The following MMP12 variants were observed in gnomAD, a reference collection of about 807,000 sequenced individuals.
MMP12 encodes matrix metallopeptidase 12.
A neutral mutation model predicts 45.2 loss-of-function variants in MMP12; 51 were observed. The ratio of observed to expected loss-of-function variants is 1.13; its 90% confidence interval spans 0.90 to 1.42. The LOEUF (loss-of-function observed/expected upper bound fraction) is 1.42. Among genes scored for constraint, MMP12 ranks in the 40% most tolerant of loss-of-function variants. The probability of loss-of-function intolerance (pLI) is 0.00; values close to 1 mark genes in which losing one functional copy is unlikely to be tolerated. For missense variants in MMP12, 530 were observed against 570.8 expected (o/e 0.93, Z 0.73); for synonymous variants, 210 against 193.3 (o/e 1.09, Z -0.72).
chr11:102,874,958 A>C lies in MMP12; in HGVS notation c.-21T>G, dbSNP rs1565235874. The C allele has an allele frequency of 6.8e-7, 1 of 1,469,836 alleles. No individual in the cohort carries two copies. The highest frequency in any genetic ancestry group is 2.4e-5 in the East Asian group (1 of 41,860). 91.0% of individuals were successfully genotyped at this position (1,469,836 alleles called of 1,614,324 possible). ...TTCATTGTAAACTTCTAAACGGATC[A>C]ATTCAGTTTACTGTGTTCCTTTCTA... On this transcript the variant is annotated 5_prime_UTR_variant, in exon 1 of 10. In the 5' UTR this introduces an upstream ATG that the reference lacks. Transcript: ENST00000571244.
Position 102,865,703 on chromosome 11 carries a change from T to A in MMP12, c.1205+73A>T. 1 of 1,281,352 alleles carries A rather than the reference T, an allele frequency of 7.8e-7. No individual in the cohort carries two copies. Among genetic ancestry groups the A allele is most frequent in the Admixed American group, 2.6e-5 (1 of 38,826 alleles). The allele number at this position is 1,281,352 out of a possible 1,614,324, so 79.4% of individuals were successfully genotyped here. A position where few individuals can be genotyped will look rare whatever the true frequency, so the allele number is the denominator to read the frequency against. The stretch of plus-strand genomic sequence containing the variant: ...GCTTTGGGAATTTGCGCAGAAAATG[T>A]GCCTTCTAGAAAGCCTCATTCCATA... On this transcript the variant is annotated intron_variant, in intron 8 of 9. Transcript: ENST00000571244. The surrounding 1 kb of genome is among the most constrained non-coding windows in gnomAD (Gnocchi z 4.1).
rs1859503274 is a variant in MMP12, at chr11:102,871,854, C to T, written c.449G>A (p.Ser150Asn). The change falls in exon 3 of 10, where the codon AGC becomes AAC. Residue 150 changes from serine (S) to asparagine (N), a missense_variant. Ser to Asn is a conservative substitution (Grantham distance 46). Transcript: ENST00000571244. Reference protein sequence around the residue: ...VWSNVTPLKFSKINTGMADIL... With the variant: ...VWSNVTPLKFNKINTGMADIL... ...GTCAGCCATGCCTGTGTTAATCTTG[C>T]TGAATTTCAAGGGGGTAACATTACT... 15 of 1,613,616 alleles carry T rather than the reference C, an allele frequency of 9.3e-6. No individual in the cohort carries two copies. The highest frequency in any genetic ancestry group is 1.3e-5 in the Non-Finnish European group (15 of 1,179,774).
chr11:102,874,739 G>GCAAA lies in MMP12; in HGVS notation c.102+93_102+96dup, dbSNP rs28360358. 1.6e-3 allele frequency: 1,279 copies of GCAAA among 795,944 alleles called. 6 individuals carry two copies. Among genetic ancestry groups the GCAAA allele is most frequent in the East Asian group, 0.015 (533 of 35,968 alleles). 49.3% of individuals were successfully genotyped at this position (795,944 alleles called of 1,614,324 possible). On this transcript the variant is annotated intron_variant, in intron 1 of 9. Coordinates refer to ENST00000571244, the MANE Select transcript of MMP12 (RefSeq NM_002426.6). ...ACCAATTTTCAGCTGATACGTAAAAGCAAACAAACAAACAAACAAACAAAC... is the reference window on the plus strand; with the variant it reads ...ACCAATTTTCAGCTGATACGTAAAAGCAAACAAACAAACAAACAAACAAACAAAC...
intron 1 of MMP12, among the ~76,000 whole-genome samples, chr11:102,873,543 T>C (rs1300237697): frequency 2.0e-5 from 3 of 151,968 alleles, no homozygotes; most frequent in Non-Finnish European, 4.4e-5. Context: ...GAAGCTGCAG[T>C]GAGCCGTGAT....
In MMP12 at chr11:102,865,619, T is replaced by G. The variant is rs1337926455; in HGVS notation, c.1205+157A>C. Among the ~76,000 whole-genome samples, 2 of 152,180 alleles carry G rather than the reference T, an allele frequency of 1.3e-5. No homozygotes were observed. The highest frequency in any genetic ancestry group is 1.3e-4 in the Admixed American group (2 of 15,248). ...GAAACCAAAAACACAAAGAACTAAG[T>G]TGACAATAACTATTTCAGTCCTATA... On this transcript the variant is annotated intron_variant, in intron 8 of 9. Transcript: ENST00000571244. The surrounding 1 kb of genome is among the most constrained non-coding windows in gnomAD (Gnocchi z 4.1).
intron 4 of MMP12, among the ~76,000 whole-genome samples, chr11:102,868,342 A>ACATT (rs1330657767): frequency 2.6e-5 from 4 of 152,172 alleles, no homozygotes; most frequent in Non-Finnish European, 4.4e-5. Context: ...ATGTCTCCAG[A>ACATT]CATTGTCAGA....
intron 4 of MMP12, among the ~76,000 whole-genome samples, chr11:102,870,635 A>G (rs576114682): frequency 6.6e-6 from 1 of 152,166 alleles, no homozygotes; most frequent in Non-Finnish European, 1.5e-5. Context: ...CATGCTAGTG[A>G]TTCCTCTAAA....
In MMP12 at chr11:102,865,685, G is replaced by A; in HGVS notation, c.1205+91C>T. On this transcript the variant is annotated intron_variant, in intron 8 of 9. Transcript: ENST00000571244. This position sits in a 1 kb window ranked among gnomAD's most constrained non-coding sequence, Gnocchi z 4.1. Reference sequence around the variant, plus strand: ...TCCCTGGAAGGTCAAGGAGCTTTGGGAATTTGCGCAGAAAATGTGCCTTCT... The same window carrying A: ...TCCCTGGAAGGTCAAGGAGCTTTGGAAATTTGCGCAGAAAATGTGCCTTCT... 1.9e-6 allele frequency: 2 copies of A among 1,063,098 alleles called. No individual in the cohort carries two copies. Among genetic ancestry groups the A allele is most frequent in the Non-Finnish European group, 2.6e-6 (2 of 760,452 alleles). The allele number at this position is 1,063,098 out of a possible 1,614,324, so 65.9% of individuals were successfully genotyped here.
intron 6 of MMP12, 147 bp from the exon 7 acceptor site, chr11:102,866,595 C>A: frequency 1.2e-6 from 1 of 819,670 alleles, no homozygotes; most frequent in Non-Finnish European, 1.9e-6. Flanking sequence ...GTTCATGGAT[C>A]CACAAGAAAA....
intron 7 of MMP12, 96 bp from the exon 8 acceptor site, chr11:102,866,031 G>C (rs1555008491): frequency 2.0e-6 from 2 of 1,017,274 alleles, no homozygotes; most frequent in African/African-American, 3.3e-5. Context: ...CTTTCCAACA[G>C]TTATAATATT....
intron 8 of MMP12, among the ~76,000 whole-genome samples, chr11:102,864,540 T>C (rs1859351414): frequency 6.6e-6 from 1 of 152,188 alleles, no homozygotes; most frequent in African/African-American, 2.4e-5. Flanking sequence ...GGCAACAGCA[T>C]AGGCCCCAGT....
rs367940628 is a variant in MMP12, at chr11:102,867,973, T to C, written c.722A>G (p.Lys241Arg). The change falls in exon 5 of 10, where the codon AAA becomes AGA. Residue 241 changes from lysine to arginine, a missense_variant. Physicochemically the swap from Lys to Arg is conservative, Grantham distance 26 (BLOSUM62 2). Coordinates refer to ENST00000571244, the MANE Select transcript of MMP12 (RefSeq NM_002426.6). Reference sequence around the variant, plus strand: ...GCGAAATGTGTTGATGTCAACATATTTGTAGGTGGGGAACATTACGGCCTT... The same window carrying C: ...GCGAAATGTGTTGATGTCAACATATCTGTAGGTGGGGAACATTACGGCCTT... Reference protein sequence around the residue: ...DPKAVMFPTYKYVDINTFRLS... With the variant: ...DPKAVMFPTYRYVDINTFRLS... 9.9e-6 allele frequency: 16 copies of C among 1,609,412 alleles called. No individual in the cohort carries two copies. The highest frequency in any genetic ancestry group is 1.7e-4 in the Middle Eastern group (1 of 6,060).
rs1859426963 is a variant in MMP12 at position 102,868,023 on chromosome 11, T to C, written c.672A>G (p.Leu224=). The C allele has an allele frequency of 6.2e-7, 1 of 1,604,588 alleles. No individual in the cohort carries two copies. The change falls in exon 5 of 10, where the codon TTA becomes TTG. Residue 224 remains leucine (L), a synonymous_variant. Transcript: ENST00000571244. The part of the protein sequence containing the change: ...LTAVHEIGHS[L]GLGHSSDPKA... ...TTGGATCACTAGAATGGCCAAGACCTAAGGAATGGCCAATCTCGTGAACAG... is the reference window on the plus strand; with the variant it reads ...TTGGATCACTAGAATGGCCAAGACCCAAGGAATGGCCAATCTCGTGAACAG...
chr11:102,868,938 C>A (rs1859444966), intron 4 of MMP12, among the ~76,000 whole-genome samples: 1 of 152,084 alleles, frequency 6.6e-6, no homozygotes, highest in Non-Finnish European at 1.5e-5. Context: ...CAGACTTCAC[C>A]ATTTTTATCT....
At chr11:102,870,859 A>G (rs1555009236) in intron 4 of MMP12, among the ~76,000 whole-genome samples, 1 of 152,222 alleles carries the variant, frequency 6.6e-6, no homozygotes. Context: ...CTCACTATGA[A>G]TCTAAGAAAT....
chr11:102,866,554 G>T, intron 6 of MMP12, 106 bp from the exon 7 acceptor site: 2 of 1,123,292 alleles, frequency 1.8e-6, no homozygotes, highest in Non-Finnish European at 2.6e-6. Context: ...TCTTTCCATT[G>T]TCTTCACATT....
intron 9 of MMP12, among the ~76,000 whole-genome samples, 197 bp downstream of exon 9, chr11:102,863,949 C>G (rs1324239128): frequency 6.6e-6 from 1 of 152,178 alleles, no homozygotes; most frequent in East Asian, 1.9e-4. Context: ...TGGGAATATA[C>G]CACTTGTGCC....
chr11:102,872,021 AT>A, intron 2 of MMP12, 69 bp from the exon 3 acceptor site: 1 of 1,438,622 alleles, frequency 7.0e-7, no homozygotes, highest in Non-Finnish European at 9.3e-7. Context: ...ACAATACTTC[AT>A]TTTTGCTAGC....
chr11:102,867,257 A>G lies in MMP12; in HGVS notation c.911+13T>C. 1 of 1,571,230 alleles carries G rather than the reference A, an allele frequency of 6.4e-7. No individual in the cohort carries two copies. The highest frequency in any genetic ancestry group is 8.6e-7 in the Non-Finnish European group (1 of 1,162,030). ...GAAACTTTAATATTGGTTAGATATG[A>G]AAATGATCCTACCTGTCTTTGAAGA... On this transcript the variant is annotated intron_variant, in intron 6 of 9. Transcript: ENST00000571244.
Sources: gnomAD v4.1 joint callset for allele counts (sites outside exome capture counted in the v4.1 genomes callset) on GRCh38, gnomAD v4.1.1 for gene constraint, Gnocchi (gnomAD v3.1) non-coding constraint, MANE v1.5 for transcripts, NCBI Gene and HGNC (gene_info 2026-07-23, HGNC 2026-07-21) for gene names.